Variants in DLG2 observed in about 807,000 individuals in gnomAD.
The protein encoded by DLG2 is discs large MAGUK scaffold protein 2.
In DLG2, 45 loss-of-function variants were observed where a neutral mutation model predicts 132.5. The ratio of observed to expected loss-of-function variants is 0.34; its 90% CI spans 0.27 to 0.44. The LOEUF (loss-of-function observed/expected upper bound fraction) is 0.44. Among genes scored for constraint, DLG2 ranks in the 20% least tolerant of loss-of-function variants. The pLI is 1.00. For synonymous variants in DLG2, 424 were observed against 419.6 expected (o/e 1.01, Z -0.13); for missense variants, 1,045 against 1,196.9 (o/e 0.87, Z 1.87).
chr11:84,646,310 G>A (rs770136309), intron 6 of DLG2, among the ~76,000 whole-genome samples: 2 of 146,034 alleles, frequency 1.4e-5, no homozygotes, highest in Non-Finnish European at 3.0e-5. Flanking sequence ...CACCTCCGTG[G>A]CTGTAAATGA....
intron 5 of DLG2, among the ~76,000 whole-genome samples, chr11:85,121,112 T>TA (rs2074261084): frequency 6.6e-6 from 1 of 152,008 alleles, no homozygotes; most frequent in Admixed American, 6.6e-5. Context: ...ATGATACTGA[T>TA]ACACTTTGTT....
intron 6 of DLG2, among the ~76,000 whole-genome samples, chr11:84,991,003 G>A (rs750007646): frequency 1.3e-5 from 2 of 152,046 alleles, no homozygotes; most frequent in Non-Finnish European, 2.9e-5. Flanking sequence ...TTAAACTACA[G>A]TATATCCACA....
chr11:84,016,519 T>C (rs184802688), intron 11 of DLG2, among the ~76,000 whole-genome samples: 30 of 152,220 alleles, frequency 2.0e-4, no homozygotes, highest in Admixed American at 2.0e-3. Flanking sequence ...CTTGAGTTGA[T>C]TTTTGTATAT....
intron 7 of DLG2, among the ~76,000 whole-genome samples, chr11:84,450,706 C>T (rs1449681356): frequency 1.3e-5 from 2 of 151,686 alleles, no homozygotes; most frequent in Non-Finnish European, 3.0e-5. Flanking sequence ...GGCCCATTCT[C>T]TTAGTAAAAT....
At chr11:83,901,660 T>C (rs1022361529) in intron 15 of DLG2, among the ~76,000 whole-genome samples, 1 of 152,176 alleles carries the variant, frequency 6.6e-6, no homozygotes, top group African/African-American at 2.4e-5. Context: ...AATTGCCCAG[T>C]CTTGGGTATG....
chr11:84,406,293 T>G (rs1198104975), intron 7 of DLG2, among the ~76,000 whole-genome samples: 3 of 152,144 alleles, frequency 2.0e-5, no homozygotes, highest in African/African-American at 4.8e-5. Flanking sequence ...CTGACCTTTT[T>G]TTGTTGTTGT....
intron 4 of DLG2, among the ~76,000 whole-genome samples, chr11:85,243,287 C>T (rs1176899174): frequency 6.6e-6 from 1 of 151,904 alleles, no homozygotes; most frequent in Admixed American, 6.6e-5. Flanking sequence ...AATGCAATTG[C>T]TTATTTACTT....
chr11:83,659,410 A>G (rs1418469589), intron 18 of DLG2, among the ~76,000 whole-genome samples: 1 of 152,066 alleles, frequency 6.6e-6, no homozygotes, highest in African/African-American at 2.4e-5. Context: ...AAAGCATACA[A>G]TTGCACTCCA....
At chr11:84,594,976 T>C (rs932485357) in intron 6 of DLG2, among the ~76,000 whole-genome samples, 3 of 152,196 alleles carry the variant, frequency 2.0e-5, no homozygotes, top group Non-Finnish European at 2.9e-5. Context: ...TGAAAGTTAT[T>C]TGGGATCATG....
At chr11:83,545,739 A>G (rs2096223295) in intron 19 of DLG2, among the ~76,000 whole-genome samples, 1 of 152,086 alleles carries the variant, frequency 6.6e-6, no homozygotes, top group South Asian at 2.1e-4. Flanking sequence ...GGAGCTCAGC[A>G]ACAGGTTCTT....
At chr11:85,567,141 T>C (rs2077574114) in intron 3 of DLG2, among the ~76,000 whole-genome samples, 1 of 152,224 alleles carries the variant, frequency 6.6e-6, no homozygotes, top group Non-Finnish European at 1.5e-5. Flanking sequence ...TTCAAGATTG[T>C]ATTAGCTATT....
At chr11:84,266,525 G>A (rs2097638694) in intron 7 of DLG2, among the ~76,000 whole-genome samples, 1 of 152,132 alleles carries the variant, frequency 6.6e-6, no homozygotes, top group Non-Finnish European at 1.5e-5. Context: ...TTACTAAACA[G>A]AAATGCAAAG....
chr11:84,948,626 T>C (rs899296569), intron 6 of DLG2, among the ~76,000 whole-genome samples: 4 of 152,226 alleles, frequency 2.6e-5, no homozygotes, highest in African/African-American at 9.6e-5. Flanking sequence ...TTCAAGGGCT[T>C]CAATGTCAGA....
chr11:85,576,610 G>A (rs114616658), intron 3 of DLG2, among the ~76,000 whole-genome samples: 3,532 of 152,192 alleles, frequency 0.023, 142 homozygotes, highest in African/African-American at 0.081. Context: ...AAAGTCAACA[G>A]TCAGTAGGAA....
chr11:84,683,636 G>A (rs970773865), intron 6 of DLG2, among the ~76,000 whole-genome samples: 3 of 152,112 alleles, frequency 2.0e-5, no homozygotes, highest in East Asian at 1.9e-4. Context: ...TTTGAGACTC[G>A]CAGATGAGCA....
chr11:84,549,459 C>T lies in DLG2; in HGVS notation c.358-14728G>A, dbSNP rs118059579. On this transcript the variant is annotated intron_variant, in intron 6 of 27. Coordinates refer to ENST00000376104, the MANE Select transcript of DLG2 (RefSeq NM_001142699.3). Reference sequence around the variant, plus strand: ...CTAGAAACATGTTTTGCTCAGTGCACCTGGTGCCCAGAAAAGAGGAAATGT... The same window carrying T: ...CTAGAAACATGTTTTGCTCAGTGCATCTGGTGCCCAGAAAAGAGGAAATGT... 7.1e-3 allele frequency among the ~76,000 whole-genome samples: 1,077 copies of T among 152,286 alleles called. 8 individuals carry two copies. The highest frequency in any genetic ancestry group is 0.011 in the Non-Finnish European group (774 of 68,032).
chr11:84,721,287 T>C (rs1322419058), intron 6 of DLG2, among the ~76,000 whole-genome samples: 1 of 152,116 alleles, frequency 6.6e-6, no homozygotes, highest in Non-Finnish European at 1.5e-5. Context: ...CCCTACGAGG[T>C]TGACTTCTGG....
At chr11:83,992,566 T>A (rs1298968227) in intron 11 of DLG2, among the ~76,000 whole-genome samples, 5 of 152,034 alleles carry the variant, frequency 3.3e-5, no homozygotes, top group Non-Finnish European at 7.4e-5. Context: ...TCAGAAATGT[T>A]TAGGTGAAAG....
rs543870637 is a variant in DLG2, at chr11:84,000,167, T to A, written c.920-19525A>T. ...ATGAATGACAAATTTATCAAAGAGA[T>A]AGATATCATACAAAAGAACCAAACA... On this transcript the variant is annotated intron_variant, in intron 11 of 27. Transcript: ENST00000376104. Among the ~76,000 whole-genome samples the A allele has an allele frequency of 6.2e-4, 95 of 152,078 alleles. 2 individuals carry two copies. Among genetic ancestry groups the A allele is most frequent in the Middle Eastern group, 3.4e-3 (1 of 292 alleles).
Sources: allele counts gnomAD v4.1 joint callset (sites outside exome capture counted in the v4.1 genomes callset), GRCh38; gene constraint gnomAD v4.1.1; transcripts MANE v1.5; gene names NCBI Gene and HGNC (gene_info 2026-07-23, HGNC 2026-07-21).